The following ZNF587 variants were observed in gnomAD, a reference collection of about 807,000 sequenced individuals.
ZNF587 encodes the protein zinc finger protein 587, also known as zinc finger protein zfp6.
A neutral mutation model predicts 7.5 loss-of-function variants in ZNF587; 8 were observed. The observed-to-expected ratio is 1.06, with a 90% CI of 0.62 to 1.92. ZNF587 has a LOEUF of 1.92. Ranked by LOEUF, ZNF587 falls within the 40% of genes most tolerant of loss-of-function variation. The pLI, the probability that ZNF587 is intolerant of heterozygous loss-of-function variation, is 0.00. For synonymous variants in ZNF587, 145 were observed against 237.8 expected, an observed-to-expected ratio of 0.61 and a Z score of 3.59; for missense variants, 468 against 692.8, an observed-to-expected ratio of 0.68 and a Z score of 3.64.
chr19:57,851,787 C>A (rs1165217353), intron 1 of ZNF587: 1 of 152,192 alleles, frequency 6.6e-6, no homozygotes. Flanking sequence ...TTCCCAAAGG[C>A]CAATCAAAGG....
Position 57,849,860 on chromosome 19 carries a change from G to A in ZNF587, c.-179G>A. On this transcript the variant is annotated 5_prime_UTR_variant, in exon 1 of 3. Transcript: ENST00000339656. ...AAGGCCGAGACTTCCGGGGTCTCTA[G>A]TAGCGGCTGTGTATCGGCGATGCGG... The A allele has an allele frequency of 6.8e-7, 1 of 1,477,926 alleles. No homozygotes were observed. The highest frequency in any genetic ancestry group is 2.5e-5 in the Admixed American group (1 of 40,582). 91.6% of individuals were successfully genotyped at this position (1,477,926 alleles called of 1,614,324 possible). A position where few individuals can be genotyped will look rare whatever the true frequency, so the allele number is the denominator to read the frequency against.
In ZNF587 at chr19:57,855,891, C is replaced by G. The variant is rs71354061; in HGVS notation, c.34-213C>G. The G allele has an allele frequency of 6.3e-6, 5 of 795,622 alleles. No individual in the cohort carries two copies. In the African/African-American group the frequency reaches 8.7e-5, roughly 14 times the overall value. The allele number at this position is 795,622 out of a possible 1,614,324, so 49.3% of individuals were successfully genotyped here. A position where few individuals can be genotyped will look rare whatever the true frequency, so the allele number is the denominator to read the frequency against. On this transcript the variant is annotated intron_variant, in intron 1 of 2. Coordinates refer to ENST00000339656, the MANE Select transcript of ZNF587 (RefSeq NM_032828.4). ...GGGAGTGGACCTTTTTATGTCAGGA[C>G]CTCAGCATGGATACCTATTTGTCCA...
rs1385143273 is a variant in ZNF587 at position 57,861,291 on chromosome 19, T to C, written c.*1151T>C. 3.3e-5 allele frequency: 5 copies of C among 152,212 alleles called. No homozygotes were observed. The allele number at this position is 152,212 out of a possible 1,614,324, so 9.4% of individuals were successfully genotyped here. The stretch of plus-strand genomic sequence containing the variant: ...TTAGTATTTGAAATTGTTTATTATT[T>C]TAATAAGTGGTTATAACTTTTGAGT... On this transcript the variant is annotated 3_prime_UTR_variant, in exon 3 of 3. Coordinates refer to ENST00000339656, the MANE Select transcript of ZNF587 (RefSeq NM_032828.4).
chr19:57,850,382 T>C, intron 1 of ZNF587: 1 of 580,548 alleles, frequency 1.7e-6, no homozygotes, highest in Non-Finnish European at 3.0e-6. Context: ...ATCAGAGTTT[T>C]CAAAATTTGG....
chr19:57,855,145 C>T (rs113270189), intron 1 of ZNF587, among the ~76,000 whole-genome samples: 108 of 151,934 alleles, frequency 7.1e-4, no homozygotes, highest in African/African-American at 2.5e-3. Context: ...GATCATGCTA[C>T]TGCCCTCCAG....
At position 57,864,876 on chromosome 19, in the gene ZNF587, G is replaced by A. The variant is rs955879538; in HGVS notation, c.*4736G>A. Reference sequence around the variant, plus strand: ...TGGAAAATGGAGGTTGCAATCAGCCGAGATGGTGCCATCGCACTCTAGCCT... The same window carrying A: ...TGGAAAATGGAGGTTGCAATCAGCCAAGATGGTGCCATCGCACTCTAGCCT... On this transcript the variant is annotated 3_prime_UTR_variant, in exon 3 of 3. Transcript: ENST00000339656. 23 of 151,982 alleles carry A rather than the reference G, an allele frequency of 1.5e-4. No individual in the cohort carries two copies. Among genetic ancestry groups the A allele is most frequent in the African/African-American group, 4.8e-4 (20 of 41,376 alleles). 9.4% of individuals were successfully genotyped at this position (151,982 alleles called of 1,614,324 possible).
chr19:57,856,067 G>T (rs111438130), intron 1 of ZNF587, 37 bp from the exon 2 acceptor site: 1 of 1,611,884 alleles, frequency 6.2e-7, no homozygotes, highest in African/African-American at 1.3e-5. Flanking sequence ...TACCTCAGCA[G>T]AGGGGCTGCT....
Position 57,852,840 on chromosome 19 carries a change from C to CTTTTTTTTTTTTTT in ZNF587, c.33+2786_33+2799dup, listed in dbSNP as rs35543941. 3.2e-4 allele frequency among the ~76,000 whole-genome samples: 8 copies of CTTTTTTTTTTTTTT among 25,284 alleles called. 2 individuals carry two copies. Among genetic ancestry groups the CTTTTTTTTTTTTTT allele is most frequent in the African/African-American group, 1.5e-3 (8 of 5,336 alleles). 16.6% of individuals were successfully genotyped at this position (25,284 alleles called of 152,430 possible). A position where few individuals can be genotyped will look rare whatever the true frequency, so the allele number is the denominator to read the frequency against. ...AATGCGCCCAGCCGAGACAGCTAGG[C>CTTTTTTTTTTTTTT]TTTTTTTTTTTTTTTTTTTTTTTTT... On this transcript the variant is annotated intron_variant, in intron 1 of 2. Transcript: ENST00000339656.
rs554742159 is a variant in ZNF587, at chr19:57,864,665, T to G, written c.*4525T>G. The stretch of plus-strand genomic sequence containing the variant: ...CTTCATCCTTCTCACTGGAAAGATC[T>G]TTGATGATTTTTAATCAACATAGGA... On this transcript the variant is annotated 3_prime_UTR_variant, in exon 3 of 3. Coordinates refer to ENST00000339656, the MANE Select transcript of ZNF587 (RefSeq NM_032828.4). 3.3e-5 allele frequency: 5 copies of G among 152,234 alleles called. No homozygotes were observed. Among genetic ancestry groups the G allele is most frequent in the Non-Finnish European group, 7.3e-5 (5 of 68,036 alleles). The allele number at this position is 152,234 out of a possible 1,614,324, so 9.4% of individuals were successfully genotyped here.
At chr19:57,856,033 G>A in intron 1 of ZNF587, 71 bp from the exon 2 acceptor site, 2 of 1,597,832 alleles carry the variant, frequency 1.3e-6, no homozygotes, top group East Asian at 2.3e-5. Context: ...GCAAGGGTGG[G>A]TGTGTGGGAG....
At chr19:57,857,237 A>C (rs1409628431) in intron 2 of ZNF587, 1 of 151,942 alleles carries the variant, frequency 6.6e-6, no homozygotes, top group Non-Finnish European at 1.5e-5. Context: ...GGAGGGCATG[A>C]CTTCAGGGGT....
chr19:57,858,467 G>A lies in ZNF587; in HGVS notation c.164-109G>A, dbSNP rs549031217. 1.5e-4 allele frequency: 221 copies of A among 1,496,008 alleles called. 2 individuals are homozygous for A. In the Middle Eastern group the frequency reaches 5.4e-3, roughly 37 times the overall value. 92.7% of individuals were successfully genotyped at this position (1,496,008 alleles called of 1,614,324 possible). A position where few individuals can be genotyped will look rare whatever the true frequency, so the allele number is the denominator to read the frequency against. ...AACTTGAAGCCAACATTGTGTTCCT[G>A]CAAATATTTCTATAGATTAATTCCT... is the stretch of plus-strand genomic sequence containing the variant. On this transcript the variant is annotated intron_variant, in intron 2 of 2. Coordinates refer to ENST00000339656, the MANE Select transcript of ZNF587 (RefSeq NM_032828.4).
chr19:57,851,160 C>G (rs1231416563), intron 1 of ZNF587: 1 of 152,158 alleles, frequency 6.6e-6, no homozygotes, highest in Non-Finnish European at 1.5e-5. Flanking sequence ...ACCCCAGAAA[C>G]TCACATTAGG....
chr19:57,855,212 G>A (rs937008322), intron 1 of ZNF587, among the ~76,000 whole-genome samples: 1 of 151,822 alleles, frequency 6.6e-6, no homozygotes, highest in Non-Finnish European at 1.5e-5. Flanking sequence ...GAGTGTAGTG[G>A]TACATGGCTG....
Position 57,864,666 on chromosome 19 carries a change from TTGA to T in ZNF587, c.*4531_*4533del. The stretch of plus-strand genomic sequence containing the variant: ...TTCATCCTTCTCACTGGAAAGATCT[TTGA>T]TGATTTTTAATCAACATAGGAGTTT... On this transcript the variant is annotated 3_prime_UTR_variant, in exon 3 of 3. Coordinates refer to ENST00000339656, the MANE Select transcript of ZNF587 (RefSeq NM_032828.4). The T allele has an allele frequency of 6.6e-6, 1 of 152,344 alleles. No individual in the cohort carries two copies. The highest frequency in any genetic ancestry group is 2.1e-4 in the South Asian group (1 of 4,828). The allele number at this position is 152,344 out of a possible 1,614,324, so 9.4% of individuals were successfully genotyped here. A position where few individuals can be genotyped will look rare whatever the true frequency, so the allele number is the denominator to read the frequency against.
chr19:57,855,841 G>C (rs772218365), intron 1 of ZNF587: 20 of 440,134 alleles, frequency 4.5e-5, no homozygotes, highest in Admixed American at 8.4e-5. Context: ...GATTACAGGC[G>C]TGAGCCACCG....
In ZNF587 at chr19:57,856,087, A is replaced by G. The variant is rs1329341820; in HGVS notation, c.34-17A>G. On this transcript the variant is annotated splice_polypyrimidine_tract_variant and intron_variant, in intron 1 of 2. Coordinates refer to ENST00000339656, the MANE Select transcript of ZNF587 (RefSeq NM_032828.4). ...CAGCAGAGGGGCTGCTTGTGGTTTCATCTGTCACTATCATAGCAGGGCACT... is the reference window on the plus strand; with the variant it reads ...CAGCAGAGGGGCTGCTTGTGGTTTCGTCTGTCACTATCATAGCAGGGCACT... The G allele has an allele frequency of 3.1e-6, 5 of 1,612,516 alleles. No homozygotes were observed. Among genetic ancestry groups the G allele is most frequent in the Non-Finnish European group, 4.2e-6 (5 of 1,179,450 alleles).
chr19:57,850,326 A>T lies in ZNF587; in HGVS notation c.33+255A>T, dbSNP rs2071265900. On this transcript the variant is annotated intron_variant, in intron 1 of 2. Coordinates refer to ENST00000339656, the MANE Select transcript of ZNF587 (RefSeq NM_032828.4). ...ACGCAGAGCCGTCCTGCTGTTCGGG[A>T]GACAGGAGTTTTATTATTCAAATCA... 1.3e-5 allele frequency: 8 copies of T among 639,050 alleles called. No individual in the cohort carries two copies. The Admixed American group carries it at 2.4e-4, about 19-fold the overall frequency. 39.6% of individuals were successfully genotyped at this position (639,050 alleles called of 1,614,324 possible).
At chr19:57,852,100 T>C (rs1600117863) in intron 1 of ZNF587, 7 of 367,684 alleles carry the variant, frequency 1.9e-5, no homozygotes, top group South Asian at 1.5e-4. Flanking sequence ...TGACGCCATC[T>C]ACAGGTTCTC....
Sources: gnomAD v4.1 joint callset for allele counts (sites outside exome capture counted in the v4.1 genomes callset) on GRCh38, gnomAD v4.1.1 for gene constraint, MANE v1.5 for transcripts, NCBI Gene and HGNC (gene_info 2026-07-23, HGNC 2026-07-21) for gene names.